Variants in LRCH2 observed in about 807,000 individuals in gnomAD.
LRCH2 encodes the protein leucine-rich repeat and calponin homology domain-containing protein 2.
A neutral mutation model predicts 68.9 loss-of-function variants in LRCH2; 38 were observed. The ratio of observed to expected loss-of-function variants is 0.55; its 90% confidence interval spans 0.43 to 0.72. The LOEUF is 0.72. Among genes scored for constraint, LRCH2 ranks in the 30% least tolerant of loss-of-function variants. LRCH2 has a pLI of 0.00. For missense variants in LRCH2, 528 were observed against 572.9 expected, an observed-to-expected ratio of 0.92 and a Z score of 0.80; for synonymous variants, 191 against 208.1, an observed-to-expected ratio of 0.92 and a Z score of 0.71.
chrX:115,163,197 C>T (rs1016637881), intron 11 of LRCH2, among the ~76,000 whole-genome samples: 1 of 111,276 alleles, frequency 9.0e-6, no homozygotes. Context: ...GGAGTTTAGA[C>T]GTATGCCAAG....
intron 1 of LRCH2, among the ~76,000 whole-genome samples, chrX:115,232,337 A>G (rs782109798): frequency 9.0e-6 from 1 of 111,661 alleles, no homozygotes; most frequent in African/African-American, 3.2e-5. Context: ...AAGCCTTTGA[A>G]GAACACACCA....
At chrX:115,119,546 C>T (rs1399730176) in intron 20 of LRCH2, among the ~76,000 whole-genome samples, 2 of 70,430 alleles carry the variant, frequency 2.8e-5, no homozygotes, top group Non-Finnish European at 5.3e-5. Flanking sequence ...AAGAACATTC[C>T]ATGCTCATGG....
intron 20 of LRCH2, among the ~76,000 whole-genome samples, chrX:115,114,281 G>A (rs782748395): frequency 9.0e-6 from 1 of 111,127 alleles, no homozygotes; most frequent in Non-Finnish European, 1.9e-5. Flanking sequence ...ATCCCATAAA[G>A]AGTTCTCAAA....
chrX:115,195,067 A>G (rs2072877178), intron 1 of LRCH2, among the ~76,000 whole-genome samples: 1 of 110,750 alleles, frequency 9.0e-6, no homozygotes, highest in Non-Finnish European at 1.9e-5. Flanking sequence ...GGCGGATCAC[A>G]AGGTCAGGAG....
chrX:115,135,375 T>C (rs782460134), intron 14 of LRCH2, among the ~76,000 whole-genome samples: 1 of 110,252 alleles, frequency 9.1e-6, no homozygotes, highest in Non-Finnish European at 1.9e-5. Flanking sequence ...GGGATCCACC[T>C]ACCTCAGCCT....
intron 1 of LRCH2, among the ~76,000 whole-genome samples, chrX:115,188,788 G>T (rs782304333): frequency 3.6e-5 from 4 of 111,475 alleles, no homozygotes; most frequent in Admixed American, 1.9e-4. Flanking sequence ...CTGAGATCAC[G>T]CCACTGCACT....
In LRCH2 at chrX:115,178,011, A is replaced by G. The variant is rs782590532; in HGVS notation, c.864+1416T>C. Among the ~76,000 whole-genome samples the G allele has an allele frequency of 4.4e-5, 5 of 112,448 alleles. No individual in the cohort carries two copies. In the South Asian group the frequency reaches 1.5e-3, roughly 33 times the overall value. On this transcript the variant is annotated intron_variant, in intron 5 of 20. Coordinates refer to ENST00000317135, the MANE Select transcript of LRCH2 (RefSeq NM_020871.4). ...CAAGTACTCAGTAGCCACTATGGCT[A>G]CCGTATTGGACAATGCAGATACAGA... is the stretch of plus-strand genomic sequence containing the variant.
intron 1 of LRCH2, among the ~76,000 whole-genome samples, chrX:115,215,484 C>T (rs189298380): frequency 9.0e-6 from 1 of 110,829 alleles, no homozygotes; most frequent in African/African-American, 3.3e-5. Context: ...CAGTGGCTCA[C>T]GTCTGTATTC....
chrX:115,180,126 AC>A (rs1556551991), intron 3 of LRCH2, among the ~76,000 whole-genome samples: 1 of 111,792 alleles, frequency 8.9e-6, no homozygotes, highest in Non-Finnish European at 1.9e-5. Context: ...TCTGTCAATT[AC>A]AGTAGTTGTC....
chrX:115,113,599 G>T (rs1252391445), intron 20 of LRCH2, among the ~76,000 whole-genome samples: 1 of 111,046 alleles, frequency 9.0e-6, no homozygotes, highest in Non-Finnish European at 1.9e-5. Context: ...GTTTATAAAA[G>T]AGTTGGTCAC....
intron 1 of LRCH2, among the ~76,000 whole-genome samples, chrX:115,217,733 G>C (rs1556572067): frequency 8.9e-6 from 1 of 111,771 alleles, no homozygotes; most frequent in African/African-American, 3.3e-5. Flanking sequence ...TAATGCTTCG[G>C]TTATATACCC....
At chrX:115,226,973 T>C (rs1283647571) in intron 1 of LRCH2, among the ~76,000 whole-genome samples, 1 of 111,497 alleles carries the variant, frequency 9.0e-6, no homozygotes, top group African/African-American at 3.3e-5. Context: ...CCATTTATCT[T>C]ACTCTAACCC....
intron 14 of LRCH2, among the ~76,000 whole-genome samples, chrX:115,142,936 C>T (rs2072351702): frequency 9.1e-6 from 1 of 110,059 alleles, no homozygotes; most frequent in African/African-American, 3.3e-5. Flanking sequence ...CCCATCTCTA[C>T]AAAAAATACA....
intron 14 of LRCH2, among the ~76,000 whole-genome samples, chrX:115,139,493 C>A (rs192937563): frequency 8.9e-6 from 1 of 112,035 alleles, no homozygotes; most frequent in African/African-American, 3.2e-5. Context: ...TTTAGAAATT[C>A]ACCTGTGGCC....
chrX:115,228,276 T>G (rs2073132038), intron 1 of LRCH2, among the ~76,000 whole-genome samples: 2 of 111,736 alleles, frequency 1.8e-5, no homozygotes, highest in South Asian at 7.5e-4. Context: ...AGACAACCCT[T>G]TCTGAAACTT....
intron 2 of LRCH2, among the ~76,000 whole-genome samples, chrX:115,187,570 T>C (rs1417338151): frequency 3.6e-5 from 4 of 112,282 alleles, no homozygotes; most frequent in Non-Finnish European, 7.5e-5. Flanking sequence ...CTTAACCCAA[T>C]TTCCTCATCT....
chrX:115,160,050 G>C (rs2072505959), intron 11 of LRCH2, among the ~76,000 whole-genome samples: 1 of 111,482 alleles, frequency 9.0e-6, no homozygotes, highest in Non-Finnish European at 1.9e-5. Context: ...AGGCGTGGTG[G>C]CTCACACCTG....
chrX:115,234,061 G>T lies in LRCH2; in HGVS notation c.-20C>A. ...CGCCATGTTCCTGGGAGAGAGAATA[G>T]CCCCCGACAATACTGTCAGCCTGTG... is the stretch of plus-strand genomic sequence containing the variant. On this transcript the variant is annotated 5_prime_UTR_variant, in exon 1 of 21. Transcript: ENST00000317135. 1 of 1,160,498 alleles carries T rather than the reference G, an allele frequency of 8.6e-7. No homozygotes were observed. The highest frequency in any genetic ancestry group is 1.2e-6 in the Non-Finnish European group (1 of 869,523).
At chrX:115,212,866 G>A (rs782166011) in intron 1 of LRCH2, among the ~76,000 whole-genome samples, 3 of 110,186 alleles carry the variant, frequency 2.7e-5, no homozygotes, top group South Asian at 8.0e-4. Context: ...CAGCTACTTC[G>A]GAGGCTGAGG....
Sources: allele counts gnomAD v4.1 joint callset (sites outside exome capture counted in the v4.1 genomes callset), GRCh38; gene constraint gnomAD v4.1.1; transcripts MANE v1.5; gene names NCBI Gene and HGNC (gene_info 2026-07-23, HGNC 2026-07-21).